ERC2: variants seen among roughly 807,000 people sequenced by gnomAD.
The protein encoded by ERC2 is ERC protein 2.
Under a neutral mutation model 114.8 loss-of-function variants are expected in ERC2, and 42 were observed. That is an observed-to-expected ratio of 0.37 (90% CI 0.29 to 0.47). ERC2 has a LOEUF of 0.47. Among genes scored for constraint, ERC2 ranks in the 20% least tolerant of loss-of-function variants. The pLI is 0.99. For synonymous variants in ERC2, 454 were observed against 425.5 expected, an observed-to-expected ratio of 1.07 and a Z score of -0.82; for missense variants, 939 against 1,150.7, an observed-to-expected ratio of 0.82 and a Z score of 2.66.
chr3:55,625,654 G>A (rs1387189839), intron 17 of ERC2, among the ~76,000 whole-genome samples: 1 of 152,146 alleles, frequency 6.6e-6, no homozygotes, highest in African/African-American at 2.4e-5. Flanking sequence ...GGGAGGCTGA[G>A]GCAGGAGAAT....
intron 2 of ERC2, among the ~76,000 whole-genome samples, chr3:56,425,637 T>G (rs774075677): frequency 6.6e-6 from 1 of 151,102 alleles, no homozygotes; most frequent in Non-Finnish European, 1.5e-5. Flanking sequence ...TTGCCCAAAT[T>G]AATTAGTAAG....
intron 13 of ERC2, among the ~76,000 whole-genome samples, chr3:55,909,694 A>G (rs1204489085): frequency 3.3e-5 from 5 of 152,148 alleles, no homozygotes; most frequent in African/African-American, 1.2e-4. Context: ...ACCCTGGGAC[A>G]AAGACCACAG....
At chr3:55,728,759 T>C (rs770470959) in intron 15 of ERC2, among the ~76,000 whole-genome samples, 14 of 152,168 alleles carry the variant, frequency 9.2e-5, no homozygotes, top group Non-Finnish European at 1.9e-4. Flanking sequence ...GCTACTCTTG[T>C]CTACCTGCAT....
intron 2 of ERC2, among the ~76,000 whole-genome samples, chr3:56,404,912 G>A (rs1470503220): frequency 6.6e-6 from 1 of 152,122 alleles, no homozygotes; most frequent in Non-Finnish European, 1.5e-5. Flanking sequence ...ATAATTAGAA[G>A]GGGAAAAAAC....
At chr3:56,118,178 G>A (rs2079355846) in intron 6 of ERC2, among the ~76,000 whole-genome samples, 3 of 152,148 alleles carry the variant, frequency 2.0e-5, no homozygotes, top group Non-Finnish European at 2.9e-5. Flanking sequence ...TGTAAAACAG[G>A]ATGGCCTTAT....
chr3:55,602,563 G>A (rs758485841), intron 17 of ERC2, among the ~76,000 whole-genome samples: 5 of 152,182 alleles, frequency 3.3e-5, no homozygotes, highest in Non-Finnish European at 5.9e-5. Flanking sequence ...CAGGAGAAGC[G>A]CTCTGCCGCT....
chr3:55,538,496 C>T (rs938303330), intron 17 of ERC2, among the ~76,000 whole-genome samples: 2 of 152,184 alleles, frequency 1.3e-5, no homozygotes, highest in African/African-American at 4.8e-5. Flanking sequence ...GAGTTTGCTG[C>T]GCTAAATGGC....
chr3:56,032,953 A>C (rs1442317709), intron 7 of ERC2, among the ~76,000 whole-genome samples: 2,386 of 76,136 alleles, frequency 0.031, 117 homozygotes, highest in Middle Eastern at 0.069. Flanking sequence ...GAAAGAAAGA[A>C]AGAAACAGAA....
intron 17 of ERC2, among the ~76,000 whole-genome samples, chr3:55,644,899 G>T (rs541235128): frequency 5.4e-4 from 82 of 152,138 alleles, no homozygotes; most frequent in African/African-American, 1.8e-3. Context: ...CACCAGTGTA[G>T]ACAGAGAGAT....
At chr3:55,611,145 T>G (rs1268519114) in intron 17 of ERC2, among the ~76,000 whole-genome samples, 1 of 152,270 alleles carries the variant, frequency 6.6e-6, no homozygotes, top group Non-Finnish European at 1.5e-5. Flanking sequence ...AGAATATTTT[T>G]CAAGGGAAGG....
intron 2 of ERC2, among the ~76,000 whole-genome samples, chr3:56,408,547 A>G (rs931358932): frequency 1.3e-5 from 2 of 152,158 alleles, no homozygotes; most frequent in Admixed American, 6.5e-5. Context: ...TAATGGTCAC[A>G]ATGCCTGGAG....
chr3:55,782,913 A>G (rs2069174825), intron 14 of ERC2, among the ~76,000 whole-genome samples: 1 of 152,328 alleles, frequency 6.6e-6, no homozygotes, highest in Admixed American at 6.5e-5. Flanking sequence ...CACAGTGAAT[A>G]TTTGCAATGA....
At chr3:56,142,545 C>T (rs1453426491) in intron 5 of ERC2, among the ~76,000 whole-genome samples, 1 of 151,950 alleles carries the variant, frequency 6.6e-6, no homozygotes, top group Non-Finnish European at 1.5e-5. Flanking sequence ...TACTAATTTT[C>T]AGCCTTGTTT....
Position 55,710,840 on chromosome 3 carries a change from C to T in ERC2, c.2713-11328G>A, listed in dbSNP as rs547175327. 3.3e-5 allele frequency among the ~76,000 whole-genome samples: 5 copies of T among 152,268 alleles called. No homozygotes were observed. In the South Asian group the frequency reaches 1.0e-3, roughly 32 times the overall value. On this transcript the variant is annotated intron_variant, in intron 15 of 17. Transcript: ENST00000288221. Reference sequence around the variant, plus strand: ...AAATTCATAAAATGTTAATACTGGGCCACATCTTCAATTAGTGAATCCAAG... The same window carrying T: ...AAATTCATAAAATGTTAATACTGGGTCACATCTTCAATTAGTGAATCCAAG...
At chr3:56,059,325 G>A (rs906323943) in intron 7 of ERC2, among the ~76,000 whole-genome samples, 1 of 151,962 alleles carries the variant, frequency 6.6e-6, no homozygotes, top group Non-Finnish European at 1.5e-5. Context: ...TCTTGACCTC[G>A]TGATCTGCCC....
intron 6 of ERC2, among the ~76,000 whole-genome samples, chr3:56,127,174 G>A (rs571492949): frequency 8.5e-5 from 13 of 152,162 alleles, no homozygotes; most frequent in South Asian, 8.3e-4. Flanking sequence ...AACTGAAGAC[G>A]ACACAAATAA....
In ERC2 at chr3:56,027,012, C is replaced by T. The variant is rs568456568; in HGVS notation, c.1642-7981G>A. ...AACCCATGGCAACCATTAATCTCTT[C>T]TACATTTCTATAATTTGGTCATTTC... On this transcript the variant is annotated intron_variant, in intron 7 of 17. Coordinates refer to ENST00000288221, the MANE Select transcript of ERC2 (RefSeq NM_015576.3). Among the ~76,000 whole-genome samples the T allele has an allele frequency of 4.6e-5, 7 of 152,376 alleles. No homozygotes were observed. The East Asian group carries it at 1.3e-3, about 29-fold the overall frequency.
chr3:55,637,744 C>T (rs1421637612), intron 17 of ERC2, among the ~76,000 whole-genome samples: 2 of 152,062 alleles, frequency 1.3e-5, no homozygotes, highest in Admixed American at 6.5e-5. Flanking sequence ...CTCTCTCTAT[C>T]GAGCATCGTC....
chr3:56,418,917 A>G (rs147444511), intron 2 of ERC2, among the ~76,000 whole-genome samples: 117 of 152,344 alleles, frequency 7.7e-4, no homozygotes, highest in African/African-American at 2.7e-3. Context: ...GAGAGGTCAC[A>G]TCAATGGCTC....
Sources: allele counts gnomAD v4.1 joint callset (sites outside exome capture counted in the v4.1 genomes callset), GRCh38; gene constraint gnomAD v4.1.1; transcripts MANE v1.5; gene names NCBI Gene and HGNC (gene_info 2026-07-23, HGNC 2026-07-21).